STAB2: variants seen among roughly 807,000 people sequenced by gnomAD.
The protein encoded by STAB2 is stabilin-2.
In STAB2, 288 loss-of-function variants were observed where a neutral mutation model predicts 338.1. That is an observed-to-expected ratio of 0.85 (90% CI 0.77 to 0.94). The LOEUF (loss-of-function observed/expected upper bound fraction) is 0.94. Ranked by LOEUF, STAB2 falls within the 40% of genes least tolerant of loss-of-function variation. STAB2 has a pLI of 0.00. For synonymous variants in STAB2, 1,202 were observed against 1,193.3 expected, an observed-to-expected ratio of 1.01 and a Z score of -0.15; for missense variants, 3,141 against 3,210.1, an observed-to-expected ratio of 0.98 and a Z score of 0.52.
At chr12:103,611,071 G>T (rs571724710) in intron 3 of STAB2, among the ~76,000 whole-genome samples, 181 of 152,276 alleles carry the variant, frequency 1.2e-3, no homozygotes, top group African/African-American at 4.0e-3. Flanking sequence ...TATAATTTCT[G>T]TTCTTTTACA....
Position 103,640,109 on chromosome 12 carries a change from C to T in STAB2, c.907-14C>T, listed in dbSNP as rs184603034. 25 of 1,593,688 alleles carry T rather than the reference C, an allele frequency of 1.6e-5. No individual in the cohort carries two copies. The highest frequency in any genetic ancestry group is 2.1e-5 in the Non-Finnish European group (25 of 1,169,120). On this transcript the variant is annotated splice_polypyrimidine_tract_variant and intron_variant, in intron 8 of 68. Transcript: ENST00000388887. ...CTAGGATCCTATTTGTTTTTCTCTT[C>T]CTGTCTACTGAAGTCTCACTGCGAG... is the stretch of plus-strand genomic sequence containing the variant.
At position 103,690,454 on chromosome 12, in the gene STAB2, G is replaced by A. The variant is rs1161763266; in HGVS notation, c.3213G>A (p.Val1071=). ...KYHMLLGTYR[V]ADLQTLSSSD... ...ATATGCTACTAGGCACATACAGAGT[G>A]GCAGATCTGCAGACCCTGTCTTCTT... Residue 1071 remains valine (V), a synonymous_variant, in exon 30 of 69, where the codon GTG becomes GTA. Transcript: ENST00000388887. The A allele has an allele frequency of 6.2e-7, 1 of 1,614,058 alleles. No individual in the cohort carries two copies. Among genetic ancestry groups the A allele is most frequent in the South Asian group, 1.1e-5 (1 of 91,072 alleles).
At chr12:103,756,996 AATATATATATATATATATAT>A (rs869105400) in intron 63 of STAB2, among the ~76,000 whole-genome samples, 1 of 56,382 alleles carries the variant, frequency 1.8e-5, no homozygotes, top group Non-Finnish European at 3.1e-5. Flanking sequence ...AAGGAGGGAA[AATATATATATATATATATAT>A]ATATATATAT....
chr12:103,666,104 C>G (rs1875069649), intron 18 of STAB2, among the ~76,000 whole-genome samples, 187 bp from the exon 19 acceptor site: 1 of 152,220 alleles, frequency 6.6e-6, no homozygotes, highest in Non-Finnish European at 1.5e-5. Flanking sequence ...AGCCCCCACC[C>G]CCAGCGCTGA....
chr12:103,658,562 C>G (rs1339277526), intron 15 of STAB2, among the ~76,000 whole-genome samples: 1 of 152,064 alleles, frequency 6.6e-6, no homozygotes, highest in Non-Finnish European at 1.5e-5. Flanking sequence ...CCTATAGAAG[C>G]ATCAGAAGAC....
At chr12:103,643,304 G>A (rs1873056787) in intron 9 of STAB2, among the ~76,000 whole-genome samples, 1 of 152,084 alleles carries the variant, frequency 6.6e-6, no homozygotes, top group Admixed American at 6.6e-5. Context: ...TGAATTTTGA[G>A]GTGAACACAA....
chr12:103,721,036 C>T (rs1287866026), intron 44 of STAB2, among the ~76,000 whole-genome samples: 2 of 152,214 alleles, frequency 1.3e-5, no homozygotes, highest in Non-Finnish European at 2.9e-5. Context: ...TAATGAACCA[C>T]AAAAGGATCT....
At chr12:103,667,986 A>G (rs1875323221) in intron 19 of STAB2, among the ~76,000 whole-genome samples, 1 of 152,216 alleles carries the variant, frequency 6.6e-6, no homozygotes, top group Non-Finnish European at 1.5e-5. Context: ...ACTTACTATC[A>G]GTGTTTCTTG....
chr12:103,695,548 A>C lies in STAB2; in HGVS notation c.3376-2A>C, dbSNP rs373505214. On this transcript the variant is annotated splice_acceptor_variant, in intron 31 of 68. Transcript: ENST00000388887. LOFTEE classifies it high-confidence loss of function. Reference sequence around the variant, plus strand: ...ACAGGATTCTGGGGTTTCTTTTTTCAGGTGCTGGTCCCACAAAGACGTCTA... The same window carrying C: ...ACAGGATTCTGGGGTTTCTTTTTTCCGGTGCTGGTCCCACAAAGACGTCTA... The C allele has an allele frequency of 2.5e-5, 41 of 1,613,738 alleles. No homozygotes were observed. Among genetic ancestry groups the C allele is most frequent in the Non-Finnish European group, 3.0e-5 (35 of 1,179,984 alleles).
intron 33 of STAB2, among the ~76,000 whole-genome samples, chr12:103,696,054 C>T (rs1878377539): frequency 6.6e-6 from 1 of 152,166 alleles, no homozygotes; most frequent in Non-Finnish European, 1.5e-5. Flanking sequence ...GAATTGCACA[C>T]TTGAGCCTGT....
At chr12:103,613,390 G>A (rs997766295) in intron 3 of STAB2, among the ~76,000 whole-genome samples, 1 of 152,156 alleles carries the variant, frequency 6.6e-6, no homozygotes, top group Non-Finnish European at 1.5e-5. Context: ...GGAATGGCGG[G>A]AGCCTCTCCC....
intron 15 of STAB2, among the ~76,000 whole-genome samples, chr12:103,658,257 C>A (rs1339228001): frequency 6.6e-6 from 1 of 152,120 alleles, no homozygotes; most frequent in Admixed American, 6.5e-5. Context: ...TTGTTTTTAC[C>A]TGAAACAGCA....
chr12:103,701,956 CT>C (rs1163067424), intron 34 of STAB2, among the ~76,000 whole-genome samples: 1 of 150,006 alleles, frequency 6.7e-6, no homozygotes, highest in Non-Finnish European at 1.5e-5. Context: ...GAGTTTTCCC[CT>C]CTCCCAACTT....
intron 35 of STAB2, 114 bp downstream of exon 35, chr12:103,703,390 C>G: frequency 1.5e-6 from 2 of 1,296,040 alleles, no homozygotes; most frequent in Non-Finnish European, 2.1e-6. Context: ...GTCCATAAAC[C>G]ACTGAATGAG....
rs373507162 is a variant in STAB2 at position 103,655,457 on chromosome 12, A to T, written c.1610A>T (p.Glu537Val). ...RYSKFRSLLEETNLGHALDED... is the reference protein window; with the variant it reads ...RYSKFRSLLEVTNLGHALDED... Reference sequence around the variant, plus strand: ...CAAAATTTCATTTCCCAAATGCAGGAAACCAATTTGGGACATGCCTTAGAT... The same window carrying T: ...CAAAATTTCATTTCCCAAATGCAGGTAACCAATTTGGGACATGCCTTAGAT... Residue 537 changes from glutamate to valine, a missense_variant and splice_region_variant, in exon 15 of 69, where the codon GAA becomes GTA. Transcript: ENST00000388887. 3.1e-6 allele frequency: 5 copies of T among 1,613,724 alleles called. No individual in the cohort carries two copies. In the African/African-American group the frequency reaches 5.3e-5, roughly 17 times the overall value.
At chr12:103,718,608 G>A (rs986968100) in intron 44 of STAB2, among the ~76,000 whole-genome samples, 1 of 152,214 alleles carries the variant, frequency 6.6e-6, no homozygotes, top group African/African-American at 2.4e-5. Flanking sequence ...AGTCCAAGCA[G>A]TAGGACTAGG....
chr12:103,664,736 TC>T (rs1874924138), intron 18 of STAB2, among the ~76,000 whole-genome samples: 1 of 152,200 alleles, frequency 6.6e-6, no homozygotes, highest in African/African-American at 2.4e-5. Context: ...TGTGGCTGAT[TC>T]TTTTAATTCT....
chr12:103,689,539 T>C (rs1165530989), intron 28 of STAB2, among the ~76,000 whole-genome samples: 9 of 151,860 alleles, frequency 5.9e-5, no homozygotes, highest in African/African-American at 2.2e-4. Context: ...ACACACATAC[T>C]CACAAGAACC....
chr12:103,754,291 TA>T (rs1883923064), intron 61 of STAB2, among the ~76,000 whole-genome samples: 1 of 152,098 alleles, frequency 6.6e-6, no homozygotes, highest in South Asian at 2.1e-4. Flanking sequence ...GTGGAAGGAC[TA>T]AATGTAATAT....
Sources: allele counts gnomAD v4.1 joint callset (sites outside exome capture counted in the v4.1 genomes callset), GRCh38; gene constraint gnomAD v4.1.1; transcripts MANE v1.5; gene names NCBI Gene and HGNC (gene_info 2026-07-23, HGNC 2026-07-21).